Variants in USH2A observed in about 807,000 individuals in gnomAD.
The protein encoded by USH2A is usherin.
Under a neutral mutation model 538.9 loss-of-function variants are expected in USH2A, and 443 were observed. The ratio of observed to expected loss-of-function variants is 0.82; its 90% CI spans 0.76 to 0.89. The LOEUF (loss-of-function observed/expected upper bound fraction) is 0.89. Ranked by LOEUF, USH2A falls within the 40% of genes least tolerant of loss-of-function variation. USH2A has a pLI of 0.00. For synonymous variants in USH2A, 2,413 were observed against 2,273.5 expected (o/e 1.06, Z -1.75); for missense variants, 6,633 against 6,324.8 (o/e 1.05, Z -1.65).
intron 9 of USH2A, among the ~76,000 whole-genome samples, chr1:216,299,439 A>T (rs2037171469): frequency 6.6e-6 from 1 of 152,176 alleles, no homozygotes; most frequent in South Asian, 2.1e-4. Context: ...ATAGAGACAG[A>T]TGAGACAGGT....
At chr1:215,689,509 G>T (rs1658533272) in intron 61 of USH2A, among the ~76,000 whole-genome samples, 1 of 152,240 alleles carries the variant, frequency 6.6e-6, no homozygotes, top group South Asian at 2.1e-4. Flanking sequence ...CCTGAGTGCA[G>T]TCAGGGCCTA....
intron 58 of USH2A, 51 bp from the exon 59 acceptor site, chr1:215,743,386 A>ATATATATATATATATATATATGTGTG (rs878870284): frequency 3.2e-6 from 1 of 310,004 alleles, no homozygotes; most frequent in African/African-American, 3.3e-5. Context: ...ATATATATAT[A>ATATATATATATATATATATATGTGTG]TGTGTGTGTG....
intron 20 of USH2A, among the ~76,000 whole-genome samples, chr1:216,183,184 T>A (rs1014302825): frequency 6.6e-6 from 1 of 152,036 alleles, no homozygotes; most frequent in African/African-American, 2.4e-5. Flanking sequence ...CTTTCATTTG[T>A]TTGTTTTGCC....
intron 21 of USH2A, among the ~76,000 whole-genome samples, chr1:216,134,874 A>G (rs1186161355): frequency 1.3e-5 from 2 of 152,158 alleles, no homozygotes; most frequent in African/African-American, 4.8e-5. Flanking sequence ...GAGCTATGCC[A>G]AAGTGAGCTT....
chr1:216,422,535 T>A lies in USH2A; in HGVS notation c.-199A>T, dbSNP rs1296132425. On this transcript the variant is annotated 5_prime_UTR_variant, in exon 2 of 72. Transcript: ENST00000307340. ...CAATGGCGAAGACATGAGTAGCTGC[T>A]GGTATCTGGGAATCAAAAACGTAGG... The A allele has an allele frequency of 4.5e-6, 3 of 673,454 alleles. No homozygotes were observed. Among genetic ancestry groups the A allele is most frequent in the Admixed American group, 5.9e-5 (2 of 33,788 alleles). 41.7% of individuals were successfully genotyped at this position (673,454 alleles called of 1,614,324 possible).
intron 47 of USH2A, among the ~76,000 whole-genome samples, chr1:215,836,522 T>C (rs1663520870): frequency 3.3e-5 from 1 of 30,458 alleles, no homozygotes; most frequent in Non-Finnish European, 5.9e-5. Flanking sequence ...ATATATAATA[T>C]ATATTATATA....
intron 9 of USH2A, among the ~76,000 whole-genome samples, chr1:216,320,247 A>G (rs190564900): frequency 1.0e-3 from 152 of 152,120 alleles, no homozygotes; most frequent in African/African-American, 3.3e-3. Flanking sequence ...GGCTGTTTAA[A>G]AGAGGCTGGC....
At chr1:216,286,772 T>G (rs543512614) in intron 11 of USH2A, among the ~76,000 whole-genome samples, 1 of 152,116 alleles carries the variant, frequency 6.6e-6, no homozygotes, top group Non-Finnish European at 1.5e-5. Context: ...TCTTTACAAC[T>G]TACTCTGTCT....
chr1:215,758,845 A>G (rs1660892087), intron 57 of USH2A, 93 bp from the exon 58 acceptor site: 2 of 1,396,768 alleles, frequency 1.4e-6, no homozygotes, highest in Non-Finnish European at 1.0e-6. Context: ...CTTAGTCCTA[A>G]ATTTGTGACA....
chr1:215,671,678 G>A (rs146627973), intron 63 of USH2A, among the ~76,000 whole-genome samples: 33 of 152,152 alleles, frequency 2.2e-4, no homozygotes, highest in African/African-American at 7.2e-4. Context: ...GATTCTTTCC[G>A]GCATGAAAAT....
chr1:216,173,593 T>C (rs931763423), intron 21 of USH2A, among the ~76,000 whole-genome samples: 1 of 152,144 alleles, frequency 6.6e-6, no homozygotes, highest in African/African-American at 2.4e-5. Context: ...AAAGAGGAAT[T>C]TGGAAAACTT....
chr1:216,054,258 T>A (rs535682053), intron 30 of USH2A, among the ~76,000 whole-genome samples: 1 of 152,154 alleles, frequency 6.6e-6, no homozygotes, highest in African/African-American at 2.4e-5. Flanking sequence ...ACAAGCAAAG[T>A]GACAGACATT....
chr1:215,786,911 T>C (rs768967577), intron 51 of USH2A, 37 bp from the exon 52 acceptor site: 23 of 1,601,916 alleles, frequency 1.4e-5, no homozygotes, highest in African/African-American at 4.0e-5. Context: ...GAGAGGGGTA[T>C]TTAAAAATTT....
chr1:215,926,124 T>A (rs1355391757), intron 38 of USH2A, among the ~76,000 whole-genome samples: 1 of 151,796 alleles, frequency 6.6e-6, no homozygotes, highest in Non-Finnish European at 1.5e-5. Flanking sequence ...GTTTTTGCAA[T>A]TCTTATTTAT....
At chr1:215,629,941 A>G (rs1341240584) in intron 70 of USH2A, 1 of 328,012 alleles carries the variant, frequency 3.0e-6, no homozygotes, top group African/African-American at 2.2e-5. Context: ...ATGCCCGGCT[A>G]ATTTTTGGTA....
chr1:215,959,705 A>G (rs955484968), intron 37 of USH2A, among the ~76,000 whole-genome samples: 3 of 152,024 alleles, frequency 2.0e-5, no homozygotes, highest in African/African-American at 7.2e-5. Flanking sequence ...AAATATCTTT[A>G]TTCTGTGGCA....
At chr1:215,993,342 T>G (rs926851338) in intron 34 of USH2A, among the ~76,000 whole-genome samples, 175 bp from the exon 35 acceptor site, 13 of 152,222 alleles carry the variant, frequency 8.5e-5, no homozygotes, top group Non-Finnish European at 1.9e-4. Context: ...ATTTGCTTTT[T>G]AAGACATAAG....
chr1:215,793,115 T>C (rs1413359177), intron 50 of USH2A, among the ~76,000 whole-genome samples: 1 of 152,210 alleles, frequency 6.6e-6, no homozygotes, highest in Non-Finnish European at 1.5e-5. Context: ...TTCAAATATG[T>C]TACCAATGCT....
chr1:216,387,492 T>G (rs2039027245), intron 3 of USH2A, among the ~76,000 whole-genome samples: 1 of 152,208 alleles, frequency 6.6e-6, no homozygotes, highest in Non-Finnish European at 1.5e-5. Flanking sequence ...ACCAATATTG[T>G]CACATTTAGA....
Sources: allele counts gnomAD v4.1 joint callset (sites outside exome capture counted in the v4.1 genomes callset), GRCh38; gene constraint gnomAD v4.1.1; transcripts MANE v1.5; gene names NCBI Gene and HGNC (gene_info 2026-07-23, HGNC 2026-07-21).